Variants in CERKL observed in about 807,000 individuals in gnomAD.
CERKL encodes the protein CERK like autophagy regulator.
In CERKL, 61 loss-of-function variants were observed where a neutral mutation model predicts 63.4. That is an observed-to-expected ratio of 0.96 (90% CI 0.78 to 1.19). The LOEUF (loss-of-function observed/expected upper bound fraction) is 1.19, where lower values mean the gene tolerates loss of function less well. Among genes scored for constraint, CERKL ranks in the 50% most tolerant of loss-of-function variants. The pLI is 0.00. For synonymous variants in CERKL, 250 were observed against 230.5 expected, an observed-to-expected ratio of 1.08 and a Z score of -0.77; for missense variants, 675 against 655.5, an observed-to-expected ratio of 1.03 and a Z score of -0.33.
At position 181,618,238 on chromosome 2, in the gene CERKL, G is replaced by A. The variant is rs142199083; in HGVS notation, c.239-14159C>T. Among the ~76,000 whole-genome samples, 3 of 149,594 alleles carry A rather than the reference G, an allele frequency of 2.0e-5. No individual in the cohort carries two copies. The East Asian group carries it at 5.9e-4, about 29-fold the overall frequency. On this transcript the variant is annotated intron_variant, in intron 1 of 12. Transcript: ENST00000410087. The stretch of plus-strand genomic sequence containing the variant: ...AGCAATATATCCGTGCAACAAAATT[G>A]CACTTGTACCCCTTAAACTTACACA...
intron 5 of CERKL, among the ~76,000 whole-genome samples, chr2:181,556,092 C>T (rs1266893904): frequency 1.3e-5 from 2 of 151,950 alleles, no homozygotes; most frequent in Non-Finnish European, 2.9e-5. Context: ...CTAATAAAGG[C>T]TAATTACCCA....
At position 181,656,971 on chromosome 2, in the gene CERKL, G is replaced by C. The variant is rs770637403; in HGVS notation, c.36C>G (p.Ala12=). 4 of 1,583,990 alleles carry C rather than the reference G, an allele frequency of 2.5e-6. No individual in the cohort carries two copies. The African/African-American group carries it at 4.1e-5, about 16-fold the overall frequency. Reference sequence around the variant, plus strand: ...CCTCTTCCTCCCGGCCGCCCTCCAGGGCACTCACCCGGTTCCTGCGCCTCC... The same window carrying C: ...CCTCTTCCTCCCGGCCGCCCTCCAGCGCACTCACCCGGTTCCTGCGCCTCC... ...PWRRRRNRVS[A]LEGGREEEAP... Residue 12 remains alanine (A), a synonymous_variant, in exon 1 of 13, where the codon GCC becomes GCG. Coordinates refer to ENST00000410087, the MANE Select transcript of CERKL (RefSeq NM_201548.5).
intron 2 of CERKL, among the ~76,000 whole-genome samples, chr2:181,601,518 C>T (rs1315438196): frequency 6.6e-6 from 1 of 152,010 alleles, no homozygotes; most frequent in Non-Finnish European, 1.5e-5. Context: ...GCCAAGATCA[C>T]GCCACTGTAC....
At chr2:181,642,969 T>C (rs143233950) in intron 1 of CERKL, among the ~76,000 whole-genome samples, 226 of 152,314 alleles carry the variant, frequency 1.5e-3, no homozygotes, top group South Asian at 4.6e-3. Context: ...TGCCCACCTC[T>C]AGTCACTGTG....
In CERKL at chr2:181,604,027, G is replaced by A. The variant is rs1210582223; in HGVS notation, c.291C>T (p.Asp97=). 1 of 1,607,772 alleles carries A rather than the reference G, an allele frequency of 6.2e-7. No individual in the cohort carries two copies. The highest frequency in any genetic ancestry group is 1.7e-5 in the Admixed American group (1 of 59,958). ...GCCGTTTCAGTTTCACAGAGAATAT[G>A]TCTTTGAGTTCAATAAATTCTTCTT... ...LCKEEFIELK[D]IFSVKLKRRC... The change falls in exon 2 of 13, where the codon GAC becomes GAT. Residue 97 remains aspartate, a synonymous_variant. Coordinates refer to ENST00000410087, the MANE Select transcript of CERKL (RefSeq NM_201548.5).
intron 1 of CERKL, among the ~76,000 whole-genome samples, chr2:181,654,500 C>T (rs898018482): frequency 2.0e-5 from 3 of 152,126 alleles, no homozygotes; most frequent in African/African-American, 7.2e-5. Context: ...ACTAAGCAAT[C>T]TTGAAAACAT....
In CERKL at chr2:181,558,522, G is replaced by T; in HGVS notation, c.820+44C>A. On this transcript the variant is annotated intron_variant, in intron 5 of 12. Transcript: ENST00000410087. The surrounding 1 kb of genome is among the most constrained non-coding windows in gnomAD (Gnocchi z 4.2). ...TAGATTAGCAAGTAAGAAAGGAAAA[G>T]AGGGAGAAGGGTCAGTTTAATGAAT... 1 of 1,601,498 alleles carries T rather than the reference G, an allele frequency of 6.2e-7. No homozygotes were observed. Among genetic ancestry groups the T allele is most frequent in the Non-Finnish European group, 8.5e-7 (1 of 1,170,738 alleles).
chr2:181,590,915 A>G (rs1466836127), intron 2 of CERKL, among the ~76,000 whole-genome samples: 2 of 152,170 alleles, frequency 1.3e-5, no homozygotes, highest in African/African-American at 2.4e-5. Flanking sequence ...TAACCCAGAA[A>G]TCTATGTCTA....
chr2:181,595,497 G>A (rs1206914512), intron 2 of CERKL, among the ~76,000 whole-genome samples: 1 of 152,102 alleles, frequency 6.6e-6, no homozygotes, highest in African/African-American at 2.4e-5. Flanking sequence ...TTACAGTAGA[G>A]TCTAAATCTA....
chr2:181,643,808 T>G (rs1363296291), intron 1 of CERKL, among the ~76,000 whole-genome samples: 1 of 152,200 alleles, frequency 6.6e-6, no homozygotes, highest in African/African-American at 2.4e-5. Context: ...TGCCTAATCT[T>G]ACCCATTACT....
chr2:181,579,603 C>T (rs1002440316), intron 2 of CERKL, among the ~76,000 whole-genome samples: 5 of 151,848 alleles, frequency 3.3e-5, no homozygotes, highest in African/African-American at 1.2e-4. Context: ...TTCGCTTACA[C>T]GGACCTATAT....
intron 5 of CERKL, among the ~76,000 whole-genome samples, chr2:181,556,047 C>A (rs1045757902): frequency 6.6e-6 from 1 of 151,944 alleles, no homozygotes; most frequent in African/African-American, 2.4e-5. Context: ...CCACTGCACC[C>A]GGCCTTATTA....
At chr2:181,568,537 T>G (rs1414413931) in intron 3 of CERKL, among the ~76,000 whole-genome samples, 1 of 152,160 alleles carries the variant, frequency 6.6e-6, no homozygotes, top group African/African-American at 2.4e-5. Flanking sequence ...ATTGATCTGA[T>G]CACTAAATAT....
At chr2:181,642,387 A>G (rs1372120) in intron 1 of CERKL, among the ~76,000 whole-genome samples, 105,500 of 152,164 alleles carry the variant, frequency 0.69, 37,119 homozygotes, top group East Asian at 0.92. Context: ...ACTTTGCTCT[A>G]CTAAGTCTCA....
At chr2:181,571,611 A>T (rs1243506087) in intron 3 of CERKL, among the ~76,000 whole-genome samples, 2 of 152,158 alleles carry the variant, frequency 1.3e-5, no homozygotes, top group Non-Finnish European at 2.9e-5. Context: ...TCAATACACG[A>T]TGAGTAAACT....
At chr2:181,583,006 T>A (rs1042835722) in intron 2 of CERKL, among the ~76,000 whole-genome samples, 1 of 152,212 alleles carries the variant, frequency 6.6e-6, no homozygotes, top group African/African-American at 2.4e-5. Context: ...GAAACTTTAG[T>A]GCCTTACTGT....
intron 2 of CERKL, among the ~76,000 whole-genome samples, chr2:181,579,156 GTTAA>G (rs1395124206): frequency 1.3e-5 from 2 of 151,940 alleles, no homozygotes; most frequent in Non-Finnish European, 1.5e-5. Context: ...TTCTGGATAA[GTTAA>G]TTGAGATAAT....
chr2:181,637,286 G>T (rs1032825479), intron 1 of CERKL, among the ~76,000 whole-genome samples: 8 of 151,922 alleles, frequency 5.3e-5, no homozygotes, highest in African/African-American at 1.9e-4. Flanking sequence ...TCACTTCTAG[G>T]CATCTATCCT....
In CERKL at chr2:181,603,903, C is replaced by CT; in HGVS notation, c.414_415insA (p.Asp139ArgfsTer4). 1 of 1,612,026 alleles carries CT rather than the reference C, an allele frequency of 6.2e-7. No individual in the cohort carries two copies. Among genetic ancestry groups the CT allele is most frequent in the Non-Finnish European group, 8.5e-7 (1 of 1,178,460 alleles). ...TGGTCTTCACTTAAATTAATAAGAT[C>CT]AAGTGTAGAATTCTTTAGTTTATTT... On this transcript the variant is annotated frameshift_variant, in exon 2 of 13. Coordinates refer to ENST00000410087, the MANE Select transcript of CERKL (RefSeq NM_201548.5). LOFTEE classifies it high-confidence loss of function.
Sources: gnomAD v4.1 joint callset for allele counts (sites outside exome capture counted in the v4.1 genomes callset) on GRCh38, gnomAD v4.1.1 for gene constraint, Gnocchi (gnomAD v3.1) non-coding constraint, MANE v1.5 for transcripts, NCBI Gene and HGNC (gene_info 2026-07-23, HGNC 2026-07-21) for gene names.